The following RASSF3 variants were observed in gnomAD, a reference collection of about 807,000 sequenced individuals.
RASSF3 encodes the protein ras association domain-containing protein 3.
In RASSF3, 19 loss-of-function variants were observed where a neutral mutation model predicts 19.9. The ratio of observed to expected loss-of-function variants is 0.96; its 90% CI spans 0.67 to 1.40. RASSF3 has a LOEUF of 1.40. Ranked by LOEUF, RASSF3 falls within the 40% of genes most tolerant of loss-of-function variation. The probability of loss-of-function intolerance (pLI) is 0.00; values close to 1 mark genes in which losing one functional copy is unlikely to be tolerated. For synonymous variants in RASSF3, 110 were observed against 104.2 expected (o/e 1.06, Z -0.34); for missense variants, 306 against 289.8 (o/e 1.06, Z -0.41).
At chr12:64,638,837 T>A (rs908784602) in intron 1 of RASSF3, among the ~76,000 whole-genome samples, 3 of 152,100 alleles carry the variant, frequency 2.0e-5, no homozygotes, top group African/African-American at 7.3e-5. Context: ...TTGACTTTTG[T>A]TCTAGTTCCT....
chr12:64,626,257 G>A (rs1272825381), intron 1 of RASSF3, among the ~76,000 whole-genome samples: 7 of 152,076 alleles, frequency 4.6e-5, no homozygotes, highest in African/African-American at 9.6e-5. Flanking sequence ...TATTTCTGCC[G>A]GGTGTGGTGG....
rs141816192 is a variant in RASSF3, at chr12:64,583,799, T to C, written c.294+42094T>C. Among the ~76,000 whole-genome samples, 1,323 of 152,326 alleles carry C rather than the reference T, an allele frequency of 8.7e-3. 18 individuals carry two copies. Among genetic ancestry groups the C allele is most frequent in the African/African-American group, 0.031 (1,288 of 41,582 alleles). ...TTGGTGGTGGAATTTGCTTGACTTCTTGTCCTCCAATCACGTCCACTTCCT... is the reference window on the plus strand; with the variant it reads ...TTGGTGGTGGAATTTGCTTGACTTCCTGTCCTCCAATCACGTCCACTTCCT... On this transcript the variant is annotated intron_variant, in intron 2 of 5. Coordinates refer to the RASSF3 transcript ENST00000637125.
At chr12:64,562,119 C>T (rs570976668) in intron 2 of RASSF3, among the ~76,000 whole-genome samples, 5 of 152,174 alleles carry the variant, frequency 3.3e-5, no homozygotes, top group African/African-American at 1.2e-4. Flanking sequence ...TGACTCACTG[C>T]AACCTCTGCC....
chr12:64,560,587 C>T, intron 2 of RASSF3, among the ~76,000 whole-genome samples: 1 of 152,228 alleles, frequency 6.6e-6, no homozygotes, highest in East Asian at 1.9e-4. Flanking sequence ...GTGCGAGGAA[C>T]TATCCACGCC....
At chr12:64,690,872 T>G (rs1383064449) in intron 3 of RASSF3, among the ~76,000 whole-genome samples, 2 of 152,124 alleles carry the variant, frequency 1.3e-5, no homozygotes, top group East Asian at 1.9e-4. Context: ...ATTTTATTTA[T>G]TTTTTGAGAC....
At chr12:64,517,164 T>TA (rs1868382981) in intron 1 of RASSF3, among the ~76,000 whole-genome samples, 2 of 151,850 alleles carry the variant, frequency 1.3e-5, no homozygotes, top group South Asian at 2.1e-4. Context: ...ACAAAATACT[T>TA]AAAAAATAAA....
chr12:64,575,988 C>G (rs1443224590), intron 2 of RASSF3, among the ~76,000 whole-genome samples: 1 of 151,448 alleles, frequency 6.6e-6, no homozygotes, highest in Non-Finnish European at 1.5e-5. Context: ...CTCCCAGGTT[C>G]AAGCAATTCT....
At chr12:64,635,300 C>T (rs1871297018) in intron 1 of RASSF3, among the ~76,000 whole-genome samples, 1 of 152,026 alleles carries the variant, frequency 6.6e-6, no homozygotes, top group Non-Finnish European at 1.5e-5. Context: ...TTGATGACCC[C>T]TCGTATCTGT....
chr12:64,633,021 A>G (rs1487792203), intron 1 of RASSF3, among the ~76,000 whole-genome samples: 2 of 152,196 alleles, frequency 1.3e-5, no homozygotes, highest in Non-Finnish European at 2.9e-5. Context: ...AAATAAATCT[A>G]AGCAGTTTCA....
At chr12:64,522,399 C>T (rs1274987777) in intron 1 of RASSF3, among the ~76,000 whole-genome samples, 2 of 152,146 alleles carry the variant, frequency 1.3e-5, no homozygotes, top group Non-Finnish European at 2.9e-5. Context: ...TGTCCTTTAG[C>T]ATGTTAGGGC....
intron 1 of RASSF3, among the ~76,000 whole-genome samples, chr12:64,632,883 C>G (rs552720831): frequency 6.6e-6 from 1 of 152,268 alleles, no homozygotes; most frequent in African/African-American, 2.4e-5. Flanking sequence ...TGGATATGGA[C>G]TGGAAGAGTA....
At chr12:64,681,851 A>G (rs1873138116) in intron 1 of RASSF3, among the ~76,000 whole-genome samples, 1 of 152,090 alleles carries the variant, frequency 6.6e-6, no homozygotes, top group Non-Finnish European at 1.5e-5. Context: ...CATCTGTACA[A>G]AAAATTAGCT....
At chr12:64,536,833 C>T (rs2136112840) in intron 1 of RASSF3, among the ~76,000 whole-genome samples, 1 of 152,330 alleles carries the variant, frequency 6.6e-6, no homozygotes, top group African/African-American at 2.4e-5. Flanking sequence ...AGCTGGTGGT[C>T]ACATCTCTGT....
intron 1 of RASSF3, among the ~76,000 whole-genome samples, chr12:64,619,185 G>A (rs974611210): frequency 3.9e-5 from 6 of 152,078 alleles, no homozygotes; most frequent in African/African-American, 1.4e-4. Flanking sequence ...ATGGATGTGG[G>A]GGTACCAGCC....
At chr12:64,627,137 G>A (rs1473769981) in intron 1 of RASSF3, among the ~76,000 whole-genome samples, 5 of 152,168 alleles carry the variant, frequency 3.3e-5, no homozygotes, top group Non-Finnish European at 7.4e-5. Flanking sequence ...GCAATCACAG[G>A]TGTGTTTAGA....
intron 1 of RASSF3, among the ~76,000 whole-genome samples, chr12:64,527,677 G>A (rs1164764770): frequency 6.6e-6 from 1 of 152,228 alleles, no homozygotes; most frequent in Non-Finnish European, 1.5e-5. Context: ...GCTCATGCCT[G>A]TAATCCCAGC....
At chr12:64,670,640 G>A (rs939751151) in intron 1 of RASSF3, among the ~76,000 whole-genome samples, 1 of 150,980 alleles carries the variant, frequency 6.6e-6, no homozygotes, top group African/African-American at 2.4e-5. Context: ...AGATGAAGGT[G>A]TTTCGCCATT....
intron 2 of RASSF3, among the ~76,000 whole-genome samples, chr12:64,562,876 C>A (rs1869371277): frequency 6.6e-6 from 1 of 152,188 alleles, no homozygotes. Flanking sequence ...GATCCTCCTA[C>A]CCTTGCCTCA....
chr12:64,610,680 C>T lies in RASSF3; in HGVS notation c.48C>T (p.Phe16=). The T allele has an allele frequency of 6.3e-7, 1 of 1,594,964 alleles. No individual in the cohort carries two copies. Among genetic ancestry groups the T allele is most frequent in the Non-Finnish European group, 8.5e-7 (1 of 1,172,630 alleles). ...SSLEEDAEDF[F]FTARTSFFRR... is the part of the protein sequence containing the mutation. ...TGGAGGAGGACGCCGAGGACTTCTT[C>T]TTCACCGCCAGGACCTCCTTCTTCA... The change falls in exon 1 of 5, where the codon TTC becomes TTT. Residue 16 remains phenylalanine, a synonymous_variant. Transcript: ENST00000542104.
Sources: gnomAD v4.1 joint callset for allele counts (sites outside exome capture counted in the v4.1 genomes callset) on GRCh38, gnomAD v4.1.1 for gene constraint, MANE v1.5 for transcripts, NCBI Gene and HGNC (gene_info 2026-07-23, HGNC 2026-07-21) for gene names.